TMEM74: variants seen among roughly 807,000 people sequenced by gnomAD.
The protein encoded by TMEM74 is transmembrane protein 74.
TMEM74 carries 13 observed loss-of-function variants against 18.1 expected under a neutral mutation model. That is an observed-to-expected ratio of 0.72 (90% confidence interval 0.47 to 1.14). The LOEUF is 1.14. Among genes scored for constraint, TMEM74 ranks in the 50% most tolerant of loss-of-function variants. The probability of loss-of-function intolerance (pLI) is 0.00; values close to 1 mark genes in which losing one functional copy is unlikely to be tolerated. For synonymous variants in TMEM74, 159 were observed against 146.6 expected, an observed-to-expected ratio of 1.08 and a Z score of -0.61; for missense variants, 372 against 375.9, an observed-to-expected ratio of 0.99 and a Z score of 0.09.
chr8:108,675,370 G>A (rs1813046848), intron 1 of TMEM74, among the ~76,000 whole-genome samples: 2 of 152,130 alleles, frequency 1.3e-5, no homozygotes, highest in Admixed American at 1.3e-4. Flanking sequence ...GCTTTGGAGG[G>A]GAAGCCCTCT....
chr8:108,784,334 CCA>C lies in TMEM74; in HGVS notation c.763_764del (p.Trp255GlufsTer33). ...TGTTTCGACGATAGAGCTCCCCCTT[CCA>C]CATGGACATCATTAACAAGCAGGAC... ...ILSCLLMMSM[W>X]KGELYRRNRF... On this transcript the variant is annotated frameshift_variant, in exon 2 of 2. Coordinates refer to ENST00000297459, the MANE Select transcript of TMEM74 (RefSeq NM_153015.3). LOFTEE classifies it high-confidence loss of function. 6.2e-7 allele frequency: 1 copy of C among 1,614,092 alleles called. No individual in the cohort carries two copies. The highest frequency in any genetic ancestry group is 8.5e-7 in the Non-Finnish European group (1 of 1,180,038).
Position 108,756,548 on chromosome 8 carries a change from A to AAAAGAAAGAAAGAAAGAAAG in TMEM74, n.119+30908_119+30927dup, listed in dbSNP as rs57444896. Among the ~76,000 whole-genome samples the AAAAGAAAGAAAGAAAGAAAG allele has an allele frequency of 3.1e-3, 140 of 44,936 alleles. 2 individuals are homozygous for AAAAGAAAGAAAGAAAGAAAG. The highest frequency in any genetic ancestry group is 6.7e-3 in the East Asian group (7 of 1,042). The allele number at this position is 44,936 out of a possible 152,430, so 29.5% of individuals were successfully genotyped here. ...AGGAACAGAGCAAACCACTGTAAAG[A>AAAAGAAAGAAAGAAAGAAAG]AAAGAAAGAAAGAAAGAAAGAAAGA... On this transcript the variant is annotated intron_variant and non_coding_transcript_variant, in intron 1 of 3. Transcript: ENST00000518838.
chr8:108,781,694 G>A lies in TMEM74; in HGVS notation c.*2487C>T, dbSNP rs1015411211. ...AGTGTGCATTTACTTACCACATTTC[G>A]ATTTTAAATTTTAAAGGAAATTATA... On this transcript the variant is annotated 3_prime_UTR_variant, in exon 2 of 2. Transcript: ENST00000297459. Among the ~76,000 whole-genome samples the A allele has an allele frequency of 1.1e-4, 16 of 152,058 alleles. No homozygotes were observed. In the South Asian group the frequency reaches 1.7e-3, roughly 16 times the overall value.
rs1389632740 is a variant in TMEM74 at position 108,784,049 on chromosome 8, A to G, written c.*132T>C. The G allele has an allele frequency of 7.8e-6, 6 of 768,580 alleles. No individual in the cohort carries two copies. Among genetic ancestry groups the G allele is most frequent in the Non-Finnish European group, 1.2e-5 (6 of 488,568 alleles). The allele number at this position is 768,580 out of a possible 1,614,324, so 47.6% of individuals were successfully genotyped here. ...TAGAAGACACATAGAGAACAAAAACACTTACTGGCTGTTGGTTTGTGAAAT... is the reference window on the plus strand; with the variant it reads ...TAGAAGACACATAGAGAACAAAAACGCTTACTGGCTGTTGGTTTGTGAAAT... On this transcript the variant is annotated 3_prime_UTR_variant, in exon 2 of 2. Coordinates refer to ENST00000297459, the MANE Select transcript of TMEM74 (RefSeq NM_153015.3).
chr8:108,704,202 GCTTT>G (rs1813368275), intron 1 of TMEM74, among the ~76,000 whole-genome samples: 1 of 152,188 alleles, frequency 6.6e-6, no homozygotes, highest in African/African-American at 2.4e-5. Flanking sequence ...TGAAACCTAT[GCTTT>G]CTATTAGGTT....
At chr8:108,753,854 A>G (rs977832508) in intron 1 of TMEM74, among the ~76,000 whole-genome samples, 3 of 152,000 alleles carry the variant, frequency 2.0e-5, no homozygotes, top group Non-Finnish European at 1.5e-5. Flanking sequence ...TGTGTGAATC[A>G]AGTGTATTTT....
At chr8:108,706,926 T>C (rs1209682406) in intron 1 of TMEM74, among the ~76,000 whole-genome samples, 1 of 152,046 alleles carries the variant, frequency 6.6e-6, no homozygotes, top group Non-Finnish European at 1.5e-5. Context: ...AGAATGACAG[T>C]GATCTAGAGG....
chr8:108,759,626 C>T (rs1376570446), intron 1 of TMEM74, among the ~76,000 whole-genome samples: 1 of 152,066 alleles, frequency 6.6e-6, no homozygotes, highest in East Asian at 1.9e-4. Flanking sequence ...AAGAATGGCA[C>T]TGTATGTACA....
At chr8:108,679,449 G>T (rs1278650654) in intron 1 of TMEM74, among the ~76,000 whole-genome samples, 1 of 152,174 alleles carries the variant, frequency 6.6e-6, no homozygotes. Context: ...TCTAACTGGT[G>T]TGAGATGGTA....
intron 1 of TMEM74, among the ~76,000 whole-genome samples, chr8:108,767,438 T>C (rs1387000127): frequency 6.6e-6 from 1 of 152,186 alleles, no homozygotes; most frequent in African/African-American, 2.4e-5. Flanking sequence ...GGACTCAATA[T>C]TATGTCTTTA....
chr8:108,700,151 G>GTGTGTGTGTGTT (rs1195422215), intron 1 of TMEM74, among the ~76,000 whole-genome samples: 4 of 151,806 alleles, frequency 2.6e-5, no homozygotes, highest in Admixed American at 6.6e-5. Context: ...GTGTGTGTGT[G>GTGTGTGTGTGTT]TGTGTGTGTG....
intron 1 of TMEM74, among the ~76,000 whole-genome samples, chr8:108,674,862 T>C (rs1813038430): frequency 6.6e-6 from 1 of 152,136 alleles, no homozygotes; most frequent in African/African-American, 2.4e-5. Flanking sequence ...TGGATTCCAA[T>C]GTGTAGCAGA....
At chr8:108,609,910 T>C (rs531080589) in intron 2 of TMEM74, among the ~76,000 whole-genome samples, 5 of 152,302 alleles carry the variant, frequency 3.3e-5, no homozygotes, top group Non-Finnish European at 7.4e-5. Context: ...TGGTCCCTAC[T>C]ACATAGACTG....
At position 108,682,447 on chromosome 8, in the gene TMEM74, C is replaced by A. The variant is rs184724432; in HGVS notation, n.120-27010G>T. ...TACATAGAACAACAAAAATATTAAC[C>A]ACTAATTTATATTTATCTGTTTATA... On this transcript the variant is annotated intron_variant and non_coding_transcript_variant, in intron 1 of 3. Transcript: ENST00000518838. Among the ~76,000 whole-genome samples, 436 of 152,012 alleles carry A rather than the reference C, an allele frequency of 2.9e-3. 3 individuals are homozygous for A. The highest frequency in any genetic ancestry group is 5.0e-3 in the Non-Finnish European group (338 of 67,910).
chr8:108,784,590 G>C lies in TMEM74; in HGVS notation c.509C>G (p.Ser170Ter), dbSNP rs199566194. 6 of 1,614,154 alleles carry C rather than the reference G, an allele frequency of 3.7e-6. No individual in the cohort carries two copies. The highest frequency in any genetic ancestry group is 8.5e-7 in the Non-Finnish European group (1 of 1,180,036). Residue 170 changes from serine (S) to a stop codon, truncating the protein, a stop_gained, in exon 2 of 2, where the codon TCA becomes TGA. Coordinates refer to ENST00000297459, the MANE Select transcript of TMEM74 (RefSeq NM_153015.3). LOFTEE classifies it high-confidence loss of function. ...GAAACCATAGTCTATAGACTTCCCT[G>C]AAGACGTGGCTTCTGAACTTGTATC... is the stretch of plus-strand genomic sequence containing the variant. Reference protein sequence around the residue: ...EDDTSSEATSSGKSIDYGFIS... With the variant: ...EDDTSSEATS
At chr8:108,787,182 A>G (rs1330263081) in intron 1 of TMEM74, among the ~76,000 whole-genome samples, 1 of 152,094 alleles carries the variant, frequency 6.6e-6, no homozygotes, top group Admixed American at 6.5e-5. Context: ...CTTTAAACTG[A>G]CACAGGCAAG....
rs555773986 is a variant in TMEM74 at position 108,708,113 on chromosome 8, G to A, written n.120-52676C>T. Among the ~76,000 whole-genome samples, 7 of 152,242 alleles carry A rather than the reference G, an allele frequency of 4.6e-5. No homozygotes were observed. The East Asian group carries it at 9.6e-4, about 21-fold the overall frequency. On this transcript the variant is annotated intron_variant and non_coding_transcript_variant, in intron 1 of 3. Coordinates refer to the TMEM74 transcript ENST00000518838. Reference sequence around the variant, plus strand: ...CAATGTTTAGCTCCCACTTACAAGTGAGAACATGCAGTATTTGGTTTTCTG... The same window carrying A: ...CAATGTTTAGCTCCCACTTACAAGTAAGAACATGCAGTATTTGGTTTTCTG...
At chr8:108,621,867 C>T (rs1812443615) in intron 2 of TMEM74, among the ~76,000 whole-genome samples, 1 of 152,086 alleles carries the variant, frequency 6.6e-6, no homozygotes, top group African/African-American at 2.4e-5. Context: ...TGAATACGCA[C>T]AAAGCATTTA....
intron 1 of TMEM74, among the ~76,000 whole-genome samples, chr8:108,711,467 C>A (rs1433378448): frequency 1.3e-5 from 2 of 152,340 alleles, no homozygotes; most frequent in East Asian, 3.9e-4. Flanking sequence ...ACTGATCTAA[C>A]CTCTACAACC....
Sources: allele counts gnomAD v4.1 joint callset (sites outside exome capture counted in the v4.1 genomes callset), GRCh38; gene constraint gnomAD v4.1.1; transcripts MANE v1.5; gene names NCBI Gene and HGNC (gene_info 2026-07-23, HGNC 2026-07-21).